ILDR2: variants seen among roughly 807,000 people sequenced by gnomAD.
The protein encoded by ILDR2 is immunoglobulin-like domain-containing receptor 2.
A neutral mutation model predicts 66.8 loss-of-function variants in ILDR2; 25 were observed. That is an observed-to-expected ratio of 0.37 (90% CI 0.27 to 0.52). ILDR2 has a LOEUF of 0.52. Among genes scored for constraint, ILDR2 ranks in the 20% least tolerant of loss-of-function variants. The pLI is 0.88. For missense variants in ILDR2, 827 were observed against 876.8 expected (o/e 0.94, Z 0.72); for synonymous variants, 367 against 357.2 (o/e 1.03, Z -0.31).
intron 3 of ILDR2, among the ~76,000 whole-genome samples, chr1:166,951,296 C>T (rs748760348): frequency 7.2e-5 from 11 of 152,180 alleles, no homozygotes; most frequent in Non-Finnish European, 1.5e-4. Flanking sequence ...CTGCCCCATG[C>T]AGAGAGATCC....
At position 166,914,417 on chromosome 1, in the gene ILDR2, A is replaced by AT. The variant is rs1381026152; in HGVS notation, c.*4937dup. 1 of 152,246 alleles carries AT rather than the reference A, an allele frequency of 6.6e-6. No homozygotes were observed. The highest frequency in any genetic ancestry group is 1.5e-5 in the Non-Finnish European group (1 of 68,044). 9.4% of individuals were successfully genotyped at this position (152,246 alleles called of 1,614,324 possible). Reference sequence around the variant, plus strand: ...GACAGTCAGAAGGCCTGGCTTTATAATTTTAAAAACCATTTGACTACAGAC... The same window carrying AT: ...GACAGTCAGAAGGCCTGGCTTTATAATTTTTAAAAACCATTTGACTACAGAC... On this transcript the variant is annotated 3_prime_UTR_variant, in exon 10 of 10. Transcript: ENST00000271417.
rs1217569895 is a variant in ILDR2, at chr1:166,912,941, A to T, written c.*6414T>A. The T allele has an allele frequency of 6.6e-6, 1 of 152,058 alleles. No homozygotes were observed. The highest frequency in any genetic ancestry group is 1.5e-5 in the Non-Finnish European group (1 of 68,028). 9.4% of individuals were successfully genotyped at this position (152,058 alleles called of 1,614,324 possible). ...TATCCAACCACCTTTCCTACCCTTCATCTCCTTCTGAATGTTACAGTCTGT... is the reference window on the plus strand; with the variant it reads ...TATCCAACCACCTTTCCTACCCTTCTTCTCCTTCTGAATGTTACAGTCTGT... On this transcript the variant is annotated 3_prime_UTR_variant, in exon 10 of 10. Coordinates refer to ENST00000271417, the MANE Select transcript of ILDR2 (RefSeq NM_199351.3).
chr1:166,903,671 T>C (rs1280364412), downstream of ILDR2, among the ~76,000 whole-genome samples: 1 of 152,194 alleles, frequency 6.6e-6, no homozygotes, highest in East Asian at 1.9e-4. Context: ...CTAAATGATC[T>C]AGGTGATGTT....
downstream of ILDR2, among the ~76,000 whole-genome samples, chr1:166,905,835 T>C (rs1044487038): frequency 3.3e-5 from 5 of 152,160 alleles, no homozygotes; most frequent in African/African-American, 1.2e-4. Flanking sequence ...TGTTTCTAAT[T>C]CCAAAATCTG....
chr1:166,957,793 C>T lies in ILDR2; in HGVS notation c.355G>A (p.Gly119Ser), dbSNP rs1662369880. ...STVTLGDFYR[G>S]REITIVHDAD... is the part of the protein sequence containing the mutation. Reference sequence around the variant, plus strand: ...CCATGAACAATCGTGATCTCTCTGCCCCTGTAGAAATCTCCCAGGGTGACA... The same window carrying T: ...CCATGAACAATCGTGATCTCTCTGCTCCTGTAGAAATCTCCCAGGGTGACA... The change falls in exon 2 of 10, where the codon GGC becomes AGC. Residue 119 changes from glycine (G) to serine (S), a missense_variant. By Grantham distance (56) the Gly-to-Ser change is moderately conservative. Coordinates refer to ENST00000271417, the MANE Select transcript of ILDR2 (RefSeq NM_199351.3). The T allele has an allele frequency of 6.2e-7, 1 of 1,613,552 alleles. No homozygotes were observed. Among genetic ancestry groups the T allele is most frequent in the Non-Finnish European group, 8.5e-7 (1 of 1,179,698 alleles).
Position 166,919,129 on chromosome 1 carries a change from A to T in ILDR2, c.*226T>A, listed in dbSNP as rs1328995983. On this transcript the variant is annotated 3_prime_UTR_variant, in exon 10 of 10. Coordinates refer to ENST00000271417, the MANE Select transcript of ILDR2 (RefSeq NM_199351.3). ...AAACTCTGTATGTAGGAATGTTCTC[A>T]CACATTCTTGCTTTCTTGGTAAGCT... 1.1e-5 allele frequency: 6 copies of T among 544,652 alleles called. No homozygotes were observed. The highest frequency in any genetic ancestry group is 2.0e-5 in the Non-Finnish European group (6 of 303,188). 33.7% of individuals were successfully genotyped at this position (544,652 alleles called of 1,614,324 possible).
downstream of ILDR2, chr1:166,908,121 G>A (rs1420945459): frequency 6.6e-6 from 1 of 152,202 alleles, no homozygotes; most frequent in Non-Finnish European, 1.5e-5. Context: ...ATACAGAAAG[G>A]AATGAAGAGG....
intron 1 of ILDR2, among the ~76,000 whole-genome samples, chr1:166,968,604 T>G (rs1284898766): frequency 6.6e-6 from 1 of 152,188 alleles, no homozygotes. Flanking sequence ...TTGGTCCCTG[T>G]AGGCAGAGTA....
In ILDR2 at chr1:166,918,389, G is replaced by A. The variant is rs986655009; in HGVS notation, c.*966C>T. 2.0e-5 allele frequency: 3 copies of A among 152,228 alleles called. No individual in the cohort carries two copies. The highest frequency in any genetic ancestry group is 7.2e-5 in the African/African-American group (3 of 41,462). 9.4% of individuals were successfully genotyped at this position (152,228 alleles called of 1,614,324 possible). A position where few individuals can be genotyped will look rare whatever the true frequency, so the allele number is the denominator to read the frequency against. ...GTCCACATTCAAAATATAATGAGAT[G>A]ATGTTATTTCCCTTTTAAATTCCTT... On this transcript the variant is annotated 3_prime_UTR_variant, in exon 10 of 10. Transcript: ENST00000271417.
rs1433793512 is a variant in ILDR2 at position 166,914,205 on chromosome 1, G to T, written c.*5150C>A. ...TTAGATTAGCATTTGAGGAATGAAT[G>T]GTGCTTAGTTGGATGAAGCAGCAAC... On this transcript the variant is annotated 3_prime_UTR_variant, in exon 10 of 10. Coordinates refer to ENST00000271417, the MANE Select transcript of ILDR2 (RefSeq NM_199351.3). 3 of 152,162 alleles carry T rather than the reference G, an allele frequency of 2.0e-5. No homozygotes were observed. Among genetic ancestry groups the T allele is most frequent in the Non-Finnish European group, 4.4e-5 (3 of 68,048 alleles). The allele number at this position is 152,162 out of a possible 1,614,324, so 9.4% of individuals were successfully genotyped here. A position where few individuals can be genotyped will look rare whatever the true frequency, so the allele number is the denominator to read the frequency against.
Position 166,912,548 on chromosome 1 carries a change from T to C in ILDR2, c.*6807A>G, listed in dbSNP as rs1344646127. 2 of 152,208 alleles carry C rather than the reference T, an allele frequency of 1.3e-5. No individual in the cohort carries two copies. The highest frequency in any genetic ancestry group is 4.8e-5 in the African/African-American group (2 of 41,470). The allele number at this position is 152,208 out of a possible 1,614,324, so 9.4% of individuals were successfully genotyped here. A position where few individuals can be genotyped will look rare whatever the true frequency, so the allele number is the denominator to read the frequency against. On this transcript the variant is annotated 3_prime_UTR_variant, in exon 10 of 10. Coordinates refer to ENST00000271417, the MANE Select transcript of ILDR2 (RefSeq NM_199351.3). The stretch of plus-strand genomic sequence containing the variant: ...AAATCCAGAGGTAATCAAACTGTTT[T>C]AGAGTCTATCTTTAAGTTAAATCTA...
rs960226679 is a variant in ILDR2, at chr1:166,899,433, C to T, written n.172-3332G>A. On this transcript the variant is annotated intron_variant and non_coding_transcript_variant, in intron 2 of 2. Transcript: ENST00000414590. Reference sequence around the variant, plus strand: ...AAAAGAAAAGAAAAAGAAAAAGACACGATTGCTATCCTCAAGGAGTTTACA... The same window carrying T: ...AAAAGAAAAGAAAAAGAAAAAGACATGATTGCTATCCTCAAGGAGTTTACA... Among the ~76,000 whole-genome samples, 9 of 151,692 alleles carry T rather than the reference C, an allele frequency of 5.9e-5. No homozygotes were observed. In the South Asian group the frequency reaches 1.3e-3, roughly 21 times the overall value.
At chr1:166,907,590 A>G (rs192919242), downstream of ILDR2, among the ~76,000 whole-genome samples, 1 of 152,320 alleles carries the variant, frequency 6.6e-6, no homozygotes, top group East Asian at 1.9e-4. Flanking sequence ...ATTTTGTCTG[A>G]ATTCCTGTAT....
At chr1:166,969,685 G>C (rs931398495) in intron 1 of ILDR2, among the ~76,000 whole-genome samples, 1 of 152,176 alleles carries the variant, frequency 6.6e-6, no homozygotes, top group Admixed American at 6.5e-5. Context: ...TGAGTTCTAT[G>C]AACTCTGTGC....
rs1662298744 is a variant in ILDR2 at position 166,956,624 on chromosome 1, T to G, written c.499+109A>C. On this transcript the variant is annotated intron_variant, in intron 3 of 9. Transcript: ENST00000271417. The stretch of plus-strand genomic sequence containing the variant: ...AGGGAGTGTGCATGAAAGATAAGAC[T>G]GTGTATGCAACCTGCTAATGCACAC... 3.4e-6 allele frequency: 4 copies of G among 1,186,928 alleles called. No individual in the cohort carries two copies. The South Asian group carries it at 5.9e-5, about 18-fold the overall frequency. The allele number at this position is 1,186,928 out of a possible 1,614,324, so 73.5% of individuals were successfully genotyped here.
chr1:166,964,965 A>G (rs1010412473), intron 1 of ILDR2, among the ~76,000 whole-genome samples: 1 of 152,202 alleles, frequency 6.6e-6, no homozygotes, highest in African/African-American at 2.4e-5. Context: ...AGGCAGATCT[A>G]TAAGCATAGC....
chr1:166,934,365 C>A (rs1472684894), intron 6 of ILDR2, among the ~76,000 whole-genome samples: 4 of 152,212 alleles, frequency 2.6e-5, no homozygotes, highest in Admixed American at 6.5e-5. Context: ...TTCCTTCATT[C>A]CGCAATATCT....
At chr1:166,953,710 G>C (rs994194852) in intron 3 of ILDR2, among the ~76,000 whole-genome samples, 9 of 152,168 alleles carry the variant, frequency 5.9e-5, no homozygotes, top group Non-Finnish European at 1.2e-4. Flanking sequence ...TCTCTGTCAT[G>C]AGGATTGATT....
At chr1:166,948,173 A>G (rs1427914137) in intron 3 of ILDR2, among the ~76,000 whole-genome samples, 1 of 151,832 alleles carries the variant, frequency 6.6e-6, no homozygotes, top group Non-Finnish European at 1.5e-5. Flanking sequence ...AGCCGACACT[A>G]ATTTCCCCCC....
Sources: gnomAD v4.1 joint callset for allele counts (sites outside exome capture counted in the v4.1 genomes callset) on GRCh38, gnomAD v4.1.1 for gene constraint, MANE v1.5 for transcripts, NCBI Gene and HGNC (gene_info 2026-07-23, HGNC 2026-07-21) for gene names.